The following LRCH1 variants were observed in gnomAD, a reference collection of about 807,000 sequenced individuals.
LRCH1 encodes the protein leucine-rich repeat and calponin homology domain-containing protein 1.
In LRCH1, 23 loss-of-function variants were observed where a neutral mutation model predicts 94.9. The ratio of observed to expected loss-of-function variants is 0.24; its 90% CI spans 0.17 to 0.34. LRCH1 has a LOEUF of 0.34. LRCH1 is among the 10% of genes least tolerant of loss of function. The probability of loss-of-function intolerance (pLI) is 1.00; values close to 1 mark genes in which losing one functional copy is unlikely to be tolerated. For synonymous variants in LRCH1, 364 were observed against 354.9 expected (o/e 1.03, Z -0.29); for missense variants, 790 against 945.9 (o/e 0.84, Z 2.16).
intron 3 of LRCH1, among the ~76,000 whole-genome samples, chr13:46,672,591 C>G (rs1203730209): frequency 6.6e-6 from 1 of 152,180 alleles, no homozygotes; most frequent in Non-Finnish European, 1.5e-5. Context: ...TTGTCAGCTG[C>G]AGGGCTGACG....
chr13:46,614,528 T>C (rs1325459230), intron 1 of LRCH1, among the ~76,000 whole-genome samples: 1 of 152,248 alleles, frequency 6.6e-6, no homozygotes, highest in East Asian at 1.9e-4. Flanking sequence ...GGGAAAAGCA[T>C]GCACAGTTAA....
intron 16 of LRCH1, among the ~76,000 whole-genome samples, chr13:46,718,378 G>A (rs1323465395): frequency 6.6e-6 from 1 of 152,110 alleles, no homozygotes; most frequent in East Asian, 1.9e-4. Context: ...AAGAAACTGA[G>A]GATATAAGAG....
chr13:46,663,248 G>A (rs1039090151), intron 2 of LRCH1, among the ~76,000 whole-genome samples: 1 of 152,158 alleles, frequency 6.6e-6, no homozygotes, highest in Non-Finnish European at 1.5e-5. Flanking sequence ...CTTTACATAA[G>A]TGTAAAGATA....
chr13:46,733,877 T>C, intron 18 of LRCH1, 44 bp from the exon 19 acceptor site: 1 of 1,207,936 alleles, frequency 8.3e-7, no homozygotes. Context: ...TAAAATGGTT[T>C]CTCTTTTAAA....
chr13:46,650,787 T>C (rs1295473681), intron 2 of LRCH1, among the ~76,000 whole-genome samples: 1 of 151,696 alleles, frequency 6.6e-6, no homozygotes, highest in Non-Finnish European at 1.5e-5. Context: ...AACATTGGGC[T>C]TTGCTACCTA....
exon 19 of LRCH1, chr13:46,750,639 C>T (rs535392690): frequency 1.9e-6 from 3 of 1,550,576 alleles, no homozygotes; most frequent in Non-Finnish European, 2.6e-6. Flanking sequence ...AACGAAGGCT[C>T]TGTTCACATG....
chr13:46,626,530 C>T (rs551948724), intron 1 of LRCH1, among the ~76,000 whole-genome samples: 8 of 152,190 alleles, frequency 5.3e-5, no homozygotes, highest in East Asian at 1.9e-4. Context: ...CACTCCTGCC[C>T]GCAAAACATT....
intron 16 of LRCH1, among the ~76,000 whole-genome samples, chr13:46,718,729 G>A (rs1173375489): frequency 6.6e-6 from 1 of 152,140 alleles, no homozygotes; most frequent in African/African-American, 2.4e-5. Context: ...TAAAGCTCGT[G>A]ATATTTTTTC....
chr13:46,643,858 C>T (rs1286550051), intron 1 of LRCH1, among the ~76,000 whole-genome samples: 1 of 152,200 alleles, frequency 6.6e-6, no homozygotes, highest in Non-Finnish European at 1.5e-5. Flanking sequence ...GTTGTTACTT[C>T]TAGAATTAAG....
intron 2 of LRCH1, among the ~76,000 whole-genome samples, chr13:46,656,602 C>T (rs1399250407): frequency 6.6e-6 from 1 of 152,196 alleles, no homozygotes; most frequent in African/African-American, 2.4e-5. Flanking sequence ...AGTGAACTGA[C>T]TTAAAATTTG....
intron 1 of LRCH1, among the ~76,000 whole-genome samples, chr13:46,590,832 C>T (rs1594268122): frequency 1.3e-5 from 2 of 152,292 alleles, no homozygotes; most frequent in African/African-American, 2.4e-5. Context: ...ACTTTCACTC[C>T]CTTCTAGTCT....
chr13:46,624,167 A>G (rs2050917152), intron 1 of LRCH1, among the ~76,000 whole-genome samples: 1 of 152,162 alleles, frequency 6.6e-6, no homozygotes, highest in South Asian at 2.1e-4. Context: ...TATAGGTGTG[A>G]GCCACTACAC....
At chr13:46,730,607 C>G (rs1873055505) in intron 18 of LRCH1, among the ~76,000 whole-genome samples, 1 of 152,170 alleles carries the variant, frequency 6.6e-6, no homozygotes, top group South Asian at 2.1e-4. Flanking sequence ...TTTTTAGCCT[C>G]AGAAACATAG....
chr13:46,719,823 C>A (rs987365024), intron 16 of LRCH1, among the ~76,000 whole-genome samples: 2 of 151,598 alleles, frequency 1.3e-5, no homozygotes, highest in Non-Finnish European at 2.9e-5. Context: ...CATGGTGAAA[C>A]CCTGTCTCTA....
intron 1 of LRCH1, among the ~76,000 whole-genome samples, chr13:46,572,942 G>T (rs1251487461): frequency 6.6e-6 from 1 of 151,986 alleles, no homozygotes; most frequent in Non-Finnish European, 1.5e-5. Context: ...CCATCTACTG[G>T]CCCAGTGACC....
chr13:46,553,357 C>CT lies in LRCH1; in HGVS notation c.-40_-39insT. 2.0e-6 allele frequency: 3 copies of CT among 1,494,676 alleles called. No homozygotes were observed. Among genetic ancestry groups the CT allele is most frequent in the Non-Finnish European group, 2.7e-6 (3 of 1,117,466 alleles). The allele number at this position is 1,494,676 out of a possible 1,614,324, so 92.6% of individuals were successfully genotyped here. On this transcript the variant is annotated 5_prime_UTR_variant, in exon 1 of 20. Coordinates refer to ENST00000389797, the MANE Select transcript of LRCH1 (RefSeq NM_001164211.2). ...CTCGCGGGGAACGCTGTGACCCCCC[C>CT]GCAGGAGCGGCGGGGCGGGGTGGGG...
At chr13:46,674,940 G>C (rs1390699256) in intron 3 of LRCH1, among the ~76,000 whole-genome samples, 1 of 152,120 alleles carries the variant, frequency 6.6e-6, no homozygotes, top group African/African-American at 2.4e-5. Context: ...TCTCCTTGGA[G>C]TTCCCTGGTT....
intron 16 of LRCH1, among the ~76,000 whole-genome samples, chr13:46,722,980 G>T (rs1376761581): frequency 6.6e-6 from 1 of 152,140 alleles, no homozygotes; most frequent in Non-Finnish European, 1.5e-5. Flanking sequence ...ACCTTGCCCT[G>T]GGTTCAGTTT....
chr13:46,597,364 T>C (rs1050640177), intron 1 of LRCH1, among the ~76,000 whole-genome samples: 2 of 151,792 alleles, frequency 1.3e-5, no homozygotes, highest in African/African-American at 4.8e-5. Flanking sequence ...AGTAGGACTT[T>C]TTTTTTTTTT....
Sources: allele counts gnomAD v4.1 joint callset (sites outside exome capture counted in the v4.1 genomes callset), GRCh38; gene constraint gnomAD v4.1.1; transcripts MANE v1.5; gene names NCBI Gene and HGNC (gene_info 2026-07-23, HGNC 2026-07-21).